Variants in ETFBKMT observed in about 807,000 individuals in gnomAD.
The protein encoded by ETFBKMT is electron transfer flavoprotein subunit beta lysine methyltransferase, also known as electron transfer flavoprotein beta subunit lysine methyltransferase.
A neutral mutation model predicts 18.3 loss-of-function variants in ETFBKMT; 13 were observed. The ratio of observed to expected loss-of-function variants is 0.71; its 90% confidence interval spans 0.46 to 1.13. The LOEUF is 1.13. Ranked by LOEUF, ETFBKMT falls within the 50% of genes most tolerant of loss-of-function variation. The pLI is 0.00. For missense variants in ETFBKMT, 293 were observed against 306.2 expected (o/e 0.96, Z 0.32); for synonymous variants, 84 against 107.9 (o/e 0.78, Z 1.37).
chr12:31,659,109 G>A (rs1351347789), upstream of ETFBKMT: 1 of 152,210 alleles, frequency 6.6e-6, no homozygotes, highest in Non-Finnish European at 1.5e-5. Context: ...GGTGAGGTCA[G>A]GGCGCCCTTT....
chr12:31,668,267 A>G lies in ETFBKMT; in HGVS notation c.*277A>G. Reference sequence around the variant, plus strand: ...ATACAATGCCATACTCAATGGTGGCAGCATTTAATTTAAGTAATGGAGAAG... The same window carrying G: ...ATACAATGCCATACTCAATGGTGGCGGCATTTAATTTAAGTAATGGAGAAG... On this transcript the variant is annotated 3_prime_UTR_variant, in exon 4 of 4. Transcript: ENST00000357721. 3.3e-6 allele frequency: 1 copy of G among 306,066 alleles called. No individual in the cohort carries two copies. The highest frequency in any genetic ancestry group is 6.0e-6 in the Non-Finnish European group (1 of 167,288). The allele number at this position is 306,066 out of a possible 1,614,324, so 19.0% of individuals were successfully genotyped here. A position where few individuals can be genotyped will look rare whatever the true frequency, so the allele number is the denominator to read the frequency against.
intron 1 of ETFBKMT, among the ~76,000 whole-genome samples, chr12:31,661,427 T>C (rs1951121352): frequency 6.6e-6 from 1 of 152,234 alleles, no homozygotes. Context: ...TGAAATGAAC[T>C]TGCACATGTG....
upstream of ETFBKMT, among the ~76,000 whole-genome samples, chr12:31,657,634 A>C (rs1951072985): frequency 6.6e-6 from 1 of 151,934 alleles, no homozygotes; most frequent in Non-Finnish European, 1.5e-5. Flanking sequence ...TCTACTAAAA[A>C]CACAAAAATT....
chr12:31,666,348 A>T, intron 3 of ETFBKMT, 131 bp downstream of exon 3: 1 of 961,350 alleles, frequency 1.0e-6, no homozygotes, highest in Non-Finnish European at 1.5e-6. Context: ...ATCTCTGTGC[A>T]CTGGGACATT....
In ETFBKMT at chr12:31,666,904, G is replaced by A. The variant is rs535778594; in HGVS notation, c.445+687G>A. 7.3e-5 allele frequency among the ~76,000 whole-genome samples: 11 copies of A among 151,704 alleles called. No individual in the cohort carries two copies. In the East Asian group the frequency reaches 9.7e-4, roughly 13 times the overall value. On this transcript the variant is annotated intron_variant, in intron 3 of 3. Transcript: ENST00000357721. ...AATCTCCTGACCTCGTGATCTGCCC[G>A]TCTTGGCCTCCCAAAGTGCTAGGAT...
intron 1 of ETFBKMT, among the ~76,000 whole-genome samples, chr12:31,653,773 C>A (rs1473656953): frequency 6.6e-6 from 1 of 152,090 alleles, no homozygotes; most frequent in Non-Finnish European, 1.5e-5. Context: ...CATGGCGAAA[C>A]CTGTCTCTAC....
Position 31,672,111 on chromosome 12 carries a change from T to C in ETFBKMT, c.*4121T>C. On this transcript the variant is annotated 3_prime_UTR_variant, in exon 4 of 4. Transcript: ENST00000357721. ...CAACAGATATAGAATAATAGCACTT[T>C]AAAGATGTTTAAGAGTAAAGCACAA... 2.0e-6 allele frequency: 1 copy of C among 507,358 alleles called. No individual in the cohort carries two copies. The highest frequency in any genetic ancestry group is 3.5e-6 in the Non-Finnish European group (1 of 284,638). The allele number at this position is 507,358 out of a possible 1,614,324, so 31.4% of individuals were successfully genotyped here.
At chr12:31,659,902 A>G (rs73090309) in intron 1 of ETFBKMT, 113 bp downstream of exon 1, 25,464 of 150,926 alleles carry the variant, frequency 0.17, 2,190 homozygotes, top group South Asian at 0.2. Context: ...TAATCCCAGC[A>G]CTTTGGGAGG....
At chr12:31,664,252 T>G (rs541613977) in intron 2 of ETFBKMT, among the ~76,000 whole-genome samples, 2 of 151,978 alleles carry the variant, frequency 1.3e-5, no homozygotes, top group Non-Finnish European at 2.9e-5. Flanking sequence ...TTAGCTCCAG[T>G]CCAAATTCCT....
Position 31,669,157 on chromosome 12 carries a change from C to T in ETFBKMT, c.*1167C>T, listed in dbSNP as rs746090831. 1.5e-4 allele frequency: 23 copies of T among 152,194 alleles called. No individual in the cohort carries two copies. The highest frequency in any genetic ancestry group is 1.0e-3 in the South Asian group (5 of 4,834). The allele number at this position is 152,194 out of a possible 1,614,324, so 9.4% of individuals were successfully genotyped here. ...TAGATATTACAGGCTAAATTTTCCTCTAGTGTCCTGGCTATTGTCTCCTCT... is the reference window on the plus strand; with the variant it reads ...TAGATATTACAGGCTAAATTTTCCTTTAGTGTCCTGGCTATTGTCTCCTCT... On this transcript the variant is annotated 3_prime_UTR_variant, in exon 4 of 4. Coordinates refer to ENST00000357721, the MANE Select transcript of ETFBKMT (RefSeq NM_001135863.2).
upstream of ETFBKMT, among the ~76,000 whole-genome samples, chr12:31,658,906 A>G (rs1375938874): frequency 4.0e-5 from 6 of 150,806 alleles, no homozygotes; most frequent in Non-Finnish European, 2.9e-5. Flanking sequence ...TGTAGGCAGC[A>G]CAGAGGGCTT....
At chr12:31,647,647 G>A (rs1471748844) in intron 1 of ETFBKMT, among the ~76,000 whole-genome samples, 1 of 152,142 alleles carries the variant, frequency 6.6e-6, no homozygotes, top group Non-Finnish European at 1.5e-5. Flanking sequence ...TGGCCAACAT[G>A]GCAAAACCCC....
chr12:31,653,805 G>T (rs561741634), intron 1 of ETFBKMT, among the ~76,000 whole-genome samples: 1 of 152,204 alleles, frequency 6.6e-6, no homozygotes, highest in African/African-American at 2.4e-5. Context: ...AAAATTAGCT[G>T]GGTGTGGTGG....
At chr12:31,662,603 A>G (rs1281798252) in intron 2 of ETFBKMT, among the ~76,000 whole-genome samples, 1 of 147,192 alleles carries the variant, frequency 6.8e-6, no homozygotes, top group East Asian at 2.0e-4. Context: ...TGCTGGTATT[A>G]CAGACATGAG....
intron 1 of ETFBKMT, among the ~76,000 whole-genome samples, chr12:31,650,334 G>A (rs1263043743): frequency 2.6e-5 from 4 of 151,994 alleles, no homozygotes; most frequent in Non-Finnish European, 2.9e-5. Flanking sequence ...GGCAACATCA[G>A]GAAGTTACCC....
At chr12:31,655,714 T>C (rs1000700972), upstream of ETFBKMT, among the ~76,000 whole-genome samples, 1 of 152,194 alleles carries the variant, frequency 6.6e-6, no homozygotes, top group African/African-American at 2.4e-5. Context: ...CACGCCTATC[T>C]CCCTTTTCCT....
chr12:31,654,957 G>A (rs1951047908), upstream of ETFBKMT, among the ~76,000 whole-genome samples: 1 of 152,082 alleles, frequency 6.6e-6, no homozygotes, highest in African/African-American at 2.4e-5. Flanking sequence ...TCGGGAGGCT[G>A]AGGCATGAGA....
intron 1 of ETFBKMT, among the ~76,000 whole-genome samples, chr12:31,651,742 C>G (rs886226787): frequency 3.3e-5 from 5 of 152,218 alleles, no homozygotes; most frequent in Non-Finnish European, 5.9e-5. Context: ...TTACCTTTCA[C>G]TAGCTTTGCA....
chr12:31,660,496 C>T (rs1214396223), intron 1 of ETFBKMT, among the ~76,000 whole-genome samples: 4 of 152,164 alleles, frequency 2.6e-5, no homozygotes, highest in Non-Finnish European at 4.4e-5. Context: ...TCCTCATTCT[C>T]ATTTATTCTA....
Sources: allele counts gnomAD v4.1 joint callset (sites outside exome capture counted in the v4.1 genomes callset), GRCh38; gene constraint gnomAD v4.1.1; transcripts MANE v1.5; gene names NCBI Gene and HGNC (gene_info 2026-07-23, HGNC 2026-07-21).